The following ADAM19 variants were observed in gnomAD, a reference collection of about 807,000 sequenced individuals.
ADAM19 encodes the protein disintegrin and metalloproteinase domain-containing protein 19.
Under a neutral mutation model 114.7 loss-of-function variants are expected in ADAM19, and 65 were observed. The observed-to-expected ratio is 0.57, with a 90% CI of 0.46 to 0.70. ADAM19 has a LOEUF of 0.70. ADAM19 is among the 30% of genes least tolerant of loss of function. The probability of loss-of-function intolerance (pLI) is 0.00; values close to 1 mark genes in which losing one functional copy is unlikely to be tolerated. For missense variants in ADAM19, 1,063 were observed against 1,204.7 expected (o/e 0.88, Z 1.74); for synonymous variants, 466 against 460.5 (o/e 1.01, Z -0.15).
chr5:157,530,784 C>T (rs1756602968), intron 5 of ADAM19, 23 bp downstream of exon 5: 1 of 1,609,004 alleles, frequency 6.2e-7, no homozygotes, highest in Non-Finnish European at 8.5e-7. Flanking sequence ...CCCGGTGCCA[C>T]CTGCAGCCTC....
intron 7 of ADAM19, among the ~76,000 whole-genome samples, chr5:157,517,161 CT>C (rs1420049400): frequency 2.6e-5 from 4 of 152,202 alleles, no homozygotes; most frequent in Non-Finnish European, 5.9e-5. Flanking sequence ...ACTCAAAGAC[CT>C]TCTGGCCTGC....
chr5:157,519,419 G>T (rs1186458357), intron 6 of ADAM19, among the ~76,000 whole-genome samples: 1 of 152,142 alleles, frequency 6.6e-6, no homozygotes, highest in Non-Finnish European at 1.5e-5. Flanking sequence ...AAGTAGTTGG[G>T]ACTACAGGCA....
In ADAM19 at chr5:157,488,460, C is replaced by A; in HGVS notation, c.2355G>T (p.Lys785Asn). 2 of 1,606,682 alleles carry A rather than the reference C, an allele frequency of 1.2e-6. No individual in the cohort carries two copies. The highest frequency in any genetic ancestry group is 1.7e-6 in the Non-Finnish European group (2 of 1,175,760). ...GGGGCCGGGGAGGAGGCTGGGAGGG[C>A]TTCCGCAGGATTTCCGGAGTGTTGA... ...KVINTPEILR[K>N]PSQPPPRPPP... Residue 785 changes from lysine (K) to asparagine (N), a missense_variant, in exon 21 of 23, where the codon AAG becomes AAT. By Grantham distance (94) the Lys-to-Asn change is moderately conservative (BLOSUM62 0). Transcript: ENST00000257527.
intron 3 of ADAM19, among the ~76,000 whole-genome samples, chr5:157,543,127 T>TAC (rs1183946877): frequency 2.6e-5 from 4 of 152,178 alleles, no homozygotes; most frequent in African/African-American, 9.7e-5. Context: ...CACTATTAAA[T>TAC]ACACACACAC....
intron 8 of ADAM19, 121 bp downstream of exon 8, chr5:157,513,313 G>A (rs1480555448): frequency 3.3e-6 from 3 of 922,080 alleles, no homozygotes; most frequent in Admixed American, 1.9e-5. Context: ...GGGCCTCTAT[G>A]GCACTGCTCA....
chr5:157,538,588 T>C (rs1001911945), intron 3 of ADAM19, among the ~76,000 whole-genome samples: 2 of 152,234 alleles, frequency 1.3e-5, no homozygotes, highest in South Asian at 2.1e-4. Context: ...TAAGCTTCCG[T>C]TGCCTGCCCT....
At chr5:157,515,469 G>A (rs535870393) in intron 7 of ADAM19, among the ~76,000 whole-genome samples, 10 of 152,306 alleles carry the variant, frequency 6.6e-5, no homozygotes, top group East Asian at 1.9e-4. Flanking sequence ...TAGGCTTTGC[G>A]GCCCCATAGT....
At chr5:157,548,305 G>A (rs567745484) in intron 3 of ADAM19, among the ~76,000 whole-genome samples, 18 of 152,168 alleles carry the variant, frequency 1.2e-4, no homozygotes, top group African/African-American at 4.1e-4. Context: ...CCTCTACTAC[G>A]TTCTAAGCCC....
At chr5:157,573,250 C>T (rs189670681) in intron 1 of ADAM19, among the ~76,000 whole-genome samples, 1 of 152,246 alleles carries the variant, frequency 6.6e-6, no homozygotes, top group Non-Finnish European at 1.5e-5. Flanking sequence ...GGAAATAAGG[C>T]AAGAGCAAGC....
At chr5:157,554,644 C>T (rs1412634133) in intron 3 of ADAM19, among the ~76,000 whole-genome samples, 1 of 152,194 alleles carries the variant, frequency 6.6e-6, no homozygotes, top group Non-Finnish European at 1.5e-5. Context: ...ATTTGGAAAC[C>T]AACTCAGGGG....
chr5:157,547,601 ATTTCT>A (rs1157372272), intron 3 of ADAM19, among the ~76,000 whole-genome samples: 2 of 152,290 alleles, frequency 1.3e-5, no homozygotes, highest in East Asian at 3.9e-4. Context: ...TGAGAAACAG[ATTTCT>A]TTTCTTTATA....
At chr5:157,500,868 G>A (rs765359965) in intron 12 of ADAM19, among the ~76,000 whole-genome samples, 19 of 152,062 alleles carry the variant, frequency 1.2e-4, no homozygotes, top group Non-Finnish European at 1.9e-4. Flanking sequence ...AAAAGTGTAC[G>A]GGGCTCCACA....
intron 5 of ADAM19, among the ~76,000 whole-genome samples, chr5:157,526,171 TATAC>T (rs1318850956): frequency 0.016 from 2,383 of 147,698 alleles, 48 homozygotes; most frequent in African/African-American, 0.054. Context: ...TATATATATA[TATAC>T]ACACACACAC....
chr5:157,542,899 G>A lies in ADAM19; in HGVS notation c.252-4908C>T, dbSNP rs556699208. ...TCTCTGGACTTTATGGGAAGAGTGT[G>A]GCTTTGAAAGATGTACTATTTACAA... On this transcript the variant is annotated intron_variant, in intron 3 of 22. Coordinates refer to ENST00000257527, the MANE Select transcript of ADAM19 (RefSeq NM_033274.5). Among the ~76,000 whole-genome samples, 17 of 152,230 alleles carry A rather than the reference G, an allele frequency of 1.1e-4. No individual in the cohort carries two copies. The South Asian group carries it at 3.3e-3, about 30-fold the overall frequency.
At position 157,493,028 on chromosome 5, in the gene ADAM19, CCCT is replaced by C; in HGVS notation, c.1850_1852del (p.Glu617del). The C allele has an allele frequency of 6.2e-7, 1 of 1,614,212 alleles. No homozygotes were observed. The highest frequency in any genetic ancestry group is 8.5e-7 in the Non-Finnish European group (1 of 1,180,034). On this transcript the variant is annotated inframe_deletion, in exon 16 of 23. Coordinates refer to ENST00000257527, the MANE Select transcript of ADAM19 (RefSeq NM_033274.5). ...CACCAGCCCTGGGTCCAGCATGTCACCCTCCTCCTCAGGACCTCGGTAGACGTG... is the reference window on the plus strand; with the variant it reads ...CACCAGCCCTGGGTCCAGCATGTCACCCTCCTCAGGACCTCGGTAGACGTG...
chr5:157,493,380 C>T (rs1755239932), intron 15 of ADAM19, among the ~76,000 whole-genome samples: 1 of 152,148 alleles, frequency 6.6e-6, no homozygotes, highest in Admixed American at 6.5e-5. Flanking sequence ...GGCTCCTTGA[C>T]CCTGAGCAAA....
chr5:157,486,778 C>A (rs992621822), intron 21 of ADAM19, among the ~76,000 whole-genome samples: 1 of 151,946 alleles, frequency 6.6e-6, no homozygotes, highest in East Asian at 1.9e-4. Flanking sequence ...AGGGACTGAA[C>A]TGTGCACTCA....
At chr5:157,568,482 TAAG>T in intron 2 of ADAM19, 1 of 152,232 alleles carries the variant, frequency 6.6e-6, no homozygotes, top group East Asian at 1.9e-4. Context: ...CACTCTGTAT[TAAG>T]AAGAGGCACC....
At chr5:157,547,538 G>T (rs1757081680) in intron 3 of ADAM19, among the ~76,000 whole-genome samples, 1 of 152,146 alleles carries the variant, frequency 6.6e-6, no homozygotes, top group Admixed American at 6.5e-5. Context: ...TAGCAAGAAG[G>T]CCCTCATGAG....
Sources: gnomAD v4.1 joint callset for allele counts (sites outside exome capture counted in the v4.1 genomes callset) on GRCh38, gnomAD v4.1.1 for gene constraint, MANE v1.5 for transcripts, NCBI Gene and HGNC (gene_info 2026-07-23, HGNC 2026-07-21) for gene names.